The following SBNO1 variants were observed in gnomAD, a reference collection of about 807,000 sequenced individuals.
The protein encoded by SBNO1 is protein strawberry notch homolog 1.
SBNO1 carries 23 observed loss-of-function variants against 173.6 expected under a neutral mutation model. That is an observed-to-expected ratio of 0.13 (90% CI 0.10 to 0.19). The LOEUF is 0.19. Ranked by LOEUF, SBNO1 falls within the 10% of genes least tolerant of loss-of-function variation. The probability of loss-of-function intolerance (pLI) is 1.00; values close to 1 mark genes in which losing one functional copy is unlikely to be tolerated. For missense variants in SBNO1, 1,238 were observed against 1,671.2 expected (o/e 0.74, Z 4.52); for synonymous variants, 632 against 571.5 (o/e 1.11, Z -1.51).
In SBNO1 at chr12:123,295,756, C is replaced by A; in HGVS notation, c.*152G>T. On this transcript the variant is annotated 3_prime_UTR_variant, in exon 32 of 32. Transcript: ENST00000602398. ...CACTGCTGATTTTCAGTTTTGCTAT[C>A]TATTCCAGGTTTGTCCTTACTCCCA... is the stretch of plus-strand genomic sequence containing the variant. 1.1e-6 allele frequency: 1 copy of A among 883,916 alleles called. No individual in the cohort carries two copies. Among genetic ancestry groups the A allele is most frequent in the Non-Finnish European group, 1.8e-6 (1 of 569,404 alleles). 54.8% of individuals were successfully genotyped at this position (883,916 alleles called of 1,614,324 possible).
At position 123,317,290 on chromosome 12, in the gene SBNO1, T is replaced by C; in HGVS notation, c.2866A>G (p.Asn956Asp). Residue 956 changes from asparagine (N) to aspartate (D), a missense_variant, in exon 21 of 32, where the codon AAT (asparagine) becomes GAT (aspartate). Coordinates refer to ENST00000602398, the MANE Select transcript of SBNO1 (RefSeq NM_001167856.3). ...GTCATATGAACTCTTCGCCTTTGATTTTTAGCTCTCCTATCTGCTTGTAAT... is the reference window on the plus strand; with the variant it reads ...GTCATATGAACTCTTCGCCTTTGATCTTTAGCTCTCCTATCTGCTTGTAAT... ...ISLQADRRAK[N>D]QRRRVHMTLE... The C allele has an allele frequency of 6.2e-7, 1 of 1,614,086 alleles. No homozygotes were observed. The highest frequency in any genetic ancestry group is 8.5e-7 in the Non-Finnish European group (1 of 1,179,962).
At chr12:123,311,251 T>C in intron 24 of SBNO1, 122 bp from the exon 25 acceptor site, 6 of 686,970 alleles carry the variant, frequency 8.7e-6, no homozygotes, top group Non-Finnish European at 1.5e-5. Flanking sequence ...TTGATATTTA[T>C]ATAAACATGG....
At chr12:123,318,112 C>A (rs1869505823) in intron 20 of SBNO1, among the ~76,000 whole-genome samples, 3 of 152,134 alleles carry the variant, frequency 2.0e-5, no homozygotes, top group African/African-American at 2.4e-5. Flanking sequence ...TGGGCATGTG[C>A]CATCATGTGA....
At chr12:123,320,332 C>CT (rs1324622021) in intron 19 of SBNO1, 100 bp downstream of exon 19, 1 of 1,163,320 alleles carries the variant, frequency 8.6e-7, no homozygotes, top group Non-Finnish European at 1.2e-6. Context: ...ATTCTATGAT[C>CT]TAAGAAATTT....
At chr12:123,339,498 C>T (rs184431101) in intron 5 of SBNO1, among the ~76,000 whole-genome samples, 4 of 152,024 alleles carry the variant, frequency 2.6e-5, no homozygotes, top group African/African-American at 7.2e-5. Context: ...AGTCCAAAGT[C>T]CTTCAAACTC....
chr12:123,344,924 T>C (rs1379820812), intron 4 of SBNO1, among the ~76,000 whole-genome samples: 3 of 152,156 alleles, frequency 2.0e-5, no homozygotes, highest in African/African-American at 7.2e-5. Context: ...GATCCACAGA[T>C]GAGTCACAAG....
chr12:123,296,557 T>G (rs1374841254), intron 31 of SBNO1, among the ~76,000 whole-genome samples: 4 of 150,548 alleles, frequency 2.7e-5, no homozygotes, highest in East Asian at 1.9e-4. Flanking sequence ...ATATATGTGT[T>G]TTTTTTTTTG....
At chr12:123,302,250 G>GTT (rs373345227) in intron 30 of SBNO1, among the ~76,000 whole-genome samples, 2 of 100,700 alleles carry the variant, frequency 2.0e-5, no homozygotes, top group Non-Finnish European at 4.3e-5. Flanking sequence ...TTTTTTTTTT[G>GTT]TTTTTTTTTT....
At chr12:123,345,846 G>C (rs770542949) in intron 3 of SBNO1, among the ~76,000 whole-genome samples, 15 of 151,818 alleles carry the variant, frequency 9.9e-5, no homozygotes, top group Non-Finnish European at 2.1e-4. Context: ...ATTTTTTTTA[G>C]AGATAAGAGT....
In SBNO1 at chr12:123,320,973, G is replaced by A. The variant is rs930413114; in HGVS notation, c.2324-107C>T. On this transcript the variant is annotated intron_variant, in intron 17 of 31. Transcript: ENST00000602398. Reference sequence around the variant, plus strand: ...TATTTTTTTGAGACAATGTTTCGCTGTTGTAGCCCAGGCTGGAGTGCAATG... The same window carrying A: ...TATTTTTTTGAGACAATGTTTCGCTATTGTAGCCCAGGCTGGAGTGCAATG... 3 of 936,602 alleles carry A rather than the reference G, an allele frequency of 3.2e-6. No individual in the cohort carries two copies. The South Asian group carries it at 5.4e-5, about 17-fold the overall frequency. The allele number at this position is 936,602 out of a possible 1,614,324, so 58.0% of individuals were successfully genotyped here.
At chr12:123,357,083 T>C (rs534084416) in intron 1 of SBNO1, among the ~76,000 whole-genome samples, 1 of 150,300 alleles carries the variant, frequency 6.7e-6, no homozygotes. Flanking sequence ...CAGTAGACAC[T>C]TAAGAACATC....
chr12:123,362,350 G>C (rs1875381149), intron 1 of SBNO1, among the ~76,000 whole-genome samples: 1 of 136,854 alleles, frequency 7.3e-6, no homozygotes. Flanking sequence ...GCAGGAGAAT[G>C]GCGTGAACCC....
intron 20 of SBNO1, among the ~76,000 whole-genome samples, chr12:123,317,779 G>A (rs375186866): frequency 6.6e-6 from 1 of 152,158 alleles, no homozygotes; most frequent in African/African-American, 2.4e-5. Flanking sequence ...GTGTCCATGA[G>A]AGAAATAATC....
At chr12:123,352,744 C>A (rs77866843) in intron 1 of SBNO1, among the ~76,000 whole-genome samples, 5,429 of 152,288 alleles carry the variant, frequency 0.036, 143 homozygotes, top group South Asian at 0.093. Flanking sequence ...ACCAGATACC[C>A]AGAATGAAAG....
At chr12:123,356,532 C>A (rs1001785442) in intron 1 of SBNO1, among the ~76,000 whole-genome samples, 3 of 152,178 alleles carry the variant, frequency 2.0e-5, no homozygotes, top group Non-Finnish European at 2.9e-5. Context: ...AATCCGCCCC[C>A]CTGGGTTCAA....
At chr12:123,315,479 T>C (rs750088276) in intron 22 of SBNO1, 35 bp from the exon 23 acceptor site, 1 of 1,596,258 alleles carries the variant, frequency 6.3e-7, no homozygotes, top group Non-Finnish European at 8.6e-7. Flanking sequence ...AAGGCACAGG[T>C]AACCTTTTAC....
intron 30 of SBNO1, among the ~76,000 whole-genome samples, chr12:123,299,048 C>A (rs779620072): frequency 3.4e-4 from 52 of 152,128 alleles, no homozygotes; most frequent in Non-Finnish European, 6.5e-4. Flanking sequence ...CGTGGAGAAA[C>A]CTCATTTCTA....
At chr12:123,302,439 T>G (rs2138886964) in intron 30 of SBNO1, among the ~76,000 whole-genome samples, 1 of 151,866 alleles carries the variant, frequency 6.6e-6, no homozygotes, top group South Asian at 2.1e-4. Flanking sequence ...AGATGGGGTT[T>G]CACCATGTTG....
chr12:123,335,545 A>C (rs1034337784), intron 6 of SBNO1, among the ~76,000 whole-genome samples: 8 of 152,234 alleles, frequency 5.3e-5, no homozygotes, highest in Non-Finnish European at 1.2e-4. Flanking sequence ...TGAATACATT[A>C]AAATAATGAT....
Sources: allele counts gnomAD v4.1 joint callset (sites outside exome capture counted in the v4.1 genomes callset), GRCh38; gene constraint gnomAD v4.1.1; transcripts MANE v1.5; gene names NCBI Gene and HGNC (gene_info 2026-07-23, HGNC 2026-07-21).